Variants in SH2D7 observed in about 807,000 individuals in gnomAD.
The protein encoded by SH2D7 is SH2 domain-containing protein 7.
SH2D7 carries 32 observed loss-of-function variants against 40.8 expected under a neutral mutation model. That is an observed-to-expected ratio of 0.78 (90% CI 0.59 to 1.05). The LOEUF is 1.05. Ranked by LOEUF, SH2D7 falls within the 50% of genes least tolerant of loss-of-function variation. The pLI is 0.00. For synonymous variants in SH2D7, 195 were observed against 221.5 expected, an observed-to-expected ratio of 0.88 and a Z score of 1.06; for missense variants, 559 against 566.6, an observed-to-expected ratio of 0.99 and a Z score of 0.14.
chr15:78,102,237 AC>A (rs2074022859), intron 5 of SH2D7, among the ~76,000 whole-genome samples: 1 of 152,162 alleles, frequency 6.6e-6, no homozygotes, highest in African/African-American at 2.4e-5. Flanking sequence ...ACAAAGTGAG[AC>A]CCTGTTTAAA....
rs183003531 is a variant in SH2D7 at position 78,097,882 on chromosome 15, G to C, written c.267-47G>C. ...GAGCTCAGACCCTGGGCCAAGGCTG[G>C]GCTGCCTGTGACCAGCAGCCCCAGA... On this transcript the variant is annotated intron_variant, in intron 2 of 5. Coordinates refer to ENST00000328828, the MANE Select transcript of SH2D7 (RefSeq NM_001101404.2). The C allele has an allele frequency of 7.7e-4, 1,235 of 1,596,970 alleles. 10 individuals carry two copies. The African/African-American group carries it at 0.014, about 18-fold the overall frequency.
chr15:78,090,569 A>G (rs2073934235), upstream of SH2D7, among the ~76,000 whole-genome samples: 1 of 152,158 alleles, frequency 6.6e-6, no homozygotes, highest in Non-Finnish European at 1.5e-5. Context: ...AATAATAACA[A>G]TAATTATAAT....
chr15:78,093,940 GA>G (rs1313765480), intron 1 of SH2D7, among the ~76,000 whole-genome samples, 171 bp from the exon 2 acceptor site: 1 of 152,212 alleles, frequency 6.6e-6, no homozygotes, highest in African/African-American at 2.4e-5. Flanking sequence ...GCCACATGCT[GA>G]ACCCTGACAG....
chr15:78,102,334 G>A (rs183713403), intron 5 of SH2D7, among the ~76,000 whole-genome samples: 327 of 152,190 alleles, frequency 2.1e-3, no homozygotes, highest in African/African-American at 6.9e-3. Context: ...TTGTTTATCC[G>A]AAATTTAAAT....
upstream of SH2D7, among the ~76,000 whole-genome samples, chr15:78,090,925 C>T (rs898747504): frequency 6.6e-6 from 1 of 152,164 alleles, no homozygotes; most frequent in African/African-American, 2.4e-5. Flanking sequence ...TCACTCAATC[C>T]ACACTCACTC....
At position 78,101,441 on chromosome 15, in the gene SH2D7, T is replaced by C. The variant is rs1424609883; in HGVS notation, c.1188T>C (p.Tyr396=). ...CACATCCTGGGGCCAGTCCCACATA[T>C]AGCCCATGGGTCCATGGCTACAAGA... The part of the protein sequence containing the change: ...RAPHPGASPT[Y]SPWVHGYKRI... The change falls in exon 5 of 6, where the codon TAT becomes TAC. Residue 396 remains tyrosine (Y), a synonymous_variant. Coordinates refer to ENST00000328828, the MANE Select transcript of SH2D7 (RefSeq NM_001101404.2). The C allele has an allele frequency of 3.1e-6, 5 of 1,613,274 alleles. No homozygotes were observed. The highest frequency in any genetic ancestry group is 1.1e-5 in the South Asian group (1 of 90,972).
intron 1 of SH2D7, 26 bp downstream of exon 1, chr15:78,092,786 C>T (rs1242620843): frequency 5.0e-6 from 8 of 1,591,792 alleles, no homozygotes; most frequent in East Asian, 2.3e-5. Context: ...CCCACAGGTC[C>T]CTCATAGCCC....
intron 1 of SH2D7, among the ~76,000 whole-genome samples, chr15:78,093,823 T>C (rs1034598428): frequency 5.9e-5 from 9 of 152,322 alleles, no homozygotes; most frequent in African/African-American, 2.2e-4. Flanking sequence ...CAGCAACCAA[T>C]GTGCCTGCTA....
chr15:78,092,493 GGGCACGGGCTCA>G (rs2073945450), upstream of SH2D7: 1 of 1,391,738 alleles, frequency 7.2e-7, no homozygotes, highest in East Asian at 2.5e-5. Context: ...CCCTTGGGTA[GGGCACGGGCTCA>G]GGCAAATGAG....
rs370176254 is a variant in SH2D7 at position 78,103,513 on chromosome 15, T to A, written c.1354T>A (p.Ter452ArgextTer35). The change falls in exon 6 of 6, where the codon TGA becomes AGA. Residue 452 changes from the stop codon to arginine (R), a stop_lost. Transcript: ENST00000328828. The part of the protein sequence containing the change: ...LFFTYRKHKF[*>R] The stretch of plus-strand genomic sequence containing the variant: ...CTTCACGTACAGGAAGCACAAATTC[T>A]GAGGGCCTGGCATCCGGCAGCCCAC... 1.9e-6 allele frequency: 3 copies of A among 1,563,868 alleles called. No individual in the cohort carries two copies.
Position 78,100,913 on chromosome 15 carries a change from GT to G in SH2D7, c.661del (p.Ser221LeufsTer26). The G allele has an allele frequency of 6.2e-7, 1 of 1,613,550 alleles. No homozygotes were observed. On this transcript the variant is annotated frameshift_variant, in exon 5 of 6. Coordinates refer to ENST00000328828, the MANE Select transcript of SH2D7 (RefSeq NM_001101404.2). LOFTEE classifies it high-confidence loss of function. ...EESMEAPIRVSPLPEKSSSLL... is the reference protein window; with the variant it reads ...EESMEAPIRVXPLPEKSSSLL... ...TGTCTCCCCAGGCTCCCATCAGAGTGTCTCCACTCCCTGAGAAGAGTTCCTC... is the reference window on the plus strand; with the variant it reads ...TGTCTCCCCAGGCTCCCATCAGAGTGCTCCACTCCCTGAGAAGAGTTCCTC...
At position 78,097,946 on chromosome 15, in the gene SH2D7, G is replaced by A. The variant is rs757087769; in HGVS notation, c.284G>A (p.Arg95Gln). 2.2e-5 allele frequency: 36 copies of A among 1,613,734 alleles called. No homozygotes were observed. Among genetic ancestry groups the A allele is most frequent in the African/African-American group, 9.3e-5 (7 of 74,890 alleles). The change falls in exon 3 of 6, where the codon CGA (arginine) becomes CAA (glutamine). Residue 95 changes from arginine (R) to glutamine (Q), a missense_variant. Transcript: ENST00000328828. ...ILSYRGSDRC[R>Q]HFVINQLRNR... The stretch of plus-strand genomic sequence containing the variant: ...TGTTGCAGGGGCAGTGATCGCTGCC[G>A]ACATTTTGTCATCAACCAGCTTCGA...
In SH2D7 at chr15:78,098,055, C is replaced by T. The variant is rs753994100; in HGVS notation, c.393C>T (p.Leu131=). ...TGCACCATTACCAGGAGGCACAGCT[C>T]GAGCCCTTCAAAGAGATGCTGACTG... The part of the protein sequence containing the change: ...ELVHHYQEAQ[L]EPFKEMLTAA... Residue 131 remains leucine (L), a synonymous_variant, in exon 3 of 6, where the codon CTC becomes CTT. Transcript: ENST00000328828. 82 of 1,613,506 alleles carry T rather than the reference C, an allele frequency of 5.1e-5. No homozygotes were observed. Among genetic ancestry groups the T allele is most frequent in the Non-Finnish European group, 6.1e-5 (72 of 1,179,736 alleles).
At chr15:78,099,504 T>G (rs1353953201) in intron 4 of SH2D7, among the ~76,000 whole-genome samples, 1 of 151,506 alleles carries the variant, frequency 6.6e-6, no homozygotes, top group Non-Finnish European at 1.5e-5. Flanking sequence ...TTTTTGTATT[T>G]TTAGTAGAGA....
intron 4 of SH2D7, 117 bp from the exon 5 acceptor site, chr15:78,100,782 C>A: frequency 2.7e-6 from 3 of 1,097,326 alleles, no homozygotes; most frequent in Non-Finnish European, 3.9e-6. Flanking sequence ...CTTGCATGTA[C>A]GGGCAGGAGG....
intron 1 of SH2D7, 101 bp from the exon 2 acceptor site, chr15:78,094,011 C>T: frequency 3.3e-6 from 4 of 1,199,112 alleles, no homozygotes; most frequent in Non-Finnish European, 3.5e-6. Context: ...GGTCTGGAAC[C>T]CAAAGGCATG....
chr15:78,097,041 C>T (rs2073976109), intron 2 of SH2D7, among the ~76,000 whole-genome samples: 1 of 152,054 alleles, frequency 6.6e-6, no homozygotes, highest in Admixed American at 6.5e-5. Context: ...TAGAATACTA[C>T]ATATAAATGA....
chr15:78,101,135 C>A lies in SH2D7; in HGVS notation c.882C>A (p.Gly294=). 3 of 1,559,086 alleles carry A rather than the reference C, an allele frequency of 1.9e-6. No individual in the cohort carries two copies. In the Middle Eastern group the frequency reaches 5.2e-4, roughly 271 times the overall value. ...LSDGEQNRPD[G]LGPVLSGVSP... is the part of the protein sequence containing the mutation. Reference sequence around the variant, plus strand: ...ATGGAGAACAGAACAGGCCTGATGGCCTGGGGCCTGTCCTTTCTGGGGTGA... The same window carrying A: ...ATGGAGAACAGAACAGGCCTGATGGACTGGGGCCTGTCCTTTCTGGGGTGA... The change falls in exon 5 of 6, where the codon GGC becomes GGA. Residue 294 remains glycine (G), a synonymous_variant. Transcript: ENST00000328828.
chr15:78,098,121 G>A, intron 3 of SH2D7, 27 bp downstream of exon 3: 2 of 1,581,956 alleles, frequency 1.3e-6, no homozygotes, highest in Non-Finnish European at 1.7e-6. Context: ...CCCAGGGTGA[G>A]GGTGGCAGGG....
Sources: gnomAD v4.1 joint callset for allele counts (sites outside exome capture counted in the v4.1 genomes callset) on GRCh38, gnomAD v4.1.1 for gene constraint, MANE v1.5 for transcripts, NCBI Gene and HGNC (gene_info 2026-07-23, HGNC 2026-07-21) for gene names.